Variants in ABCB9 observed in about 807,000 individuals in gnomAD.
ABCB9 encodes ABC-type oligopeptide transporter ABCB9.
A neutral mutation model predicts 62.0 loss-of-function variants in ABCB9; 36 were observed. That is an observed-to-expected ratio of 0.58 (90% CI 0.45 to 0.77). The LOEUF (loss-of-function observed/expected upper bound fraction) is 0.77, where lower values mean the gene tolerates loss of function less well. Ranked by LOEUF, ABCB9 falls within the 30% of genes least tolerant of loss-of-function variation. The pLI is 0.00. For synonymous variants in ABCB9, 435 were observed against 461.4 expected (o/e 0.94, Z 0.73); for missense variants, 943 against 1,054.7 (o/e 0.89, Z 1.47).
chr12:122,928,885 C>T, downstream of ABCB9: 1 of 559,228 alleles, frequency 1.8e-6, no homozygotes, highest in Non-Finnish European at 2.3e-6. Flanking sequence ...CCTGGACCAC[C>T]CAAAGTCTCT....
chr12:122,936,650 A>T (rs2035471989), intron 9 of ABCB9, among the ~76,000 whole-genome samples: 1 of 152,072 alleles, frequency 6.6e-6, no homozygotes, highest in Admixed American at 6.6e-5. Context: ...CATGCCTGTA[A>T]TCCTAGCACT....
At chr12:122,949,284 A>C (rs2036224103) in intron 4 of ABCB9, 2 of 173,460 alleles carry the variant, frequency 1.2e-5, no homozygotes, top group Non-Finnish European at 2.5e-5. Flanking sequence ...TGGGGTGGCT[A>C]CTATCCGTGT....
intron 7 of ABCB9, among the ~76,000 whole-genome samples, chr12:122,942,596 G>A (rs368860699): frequency 6.8e-6 from 1 of 146,694 alleles, no homozygotes; most frequent in East Asian, 2.0e-4. Flanking sequence ...TCCAGCCTGG[G>A]CGACAGAGCA....
intron 9 of ABCB9, among the ~76,000 whole-genome samples, chr12:122,936,762 G>A (rs1277919156): frequency 6.6e-6 from 1 of 151,842 alleles, no homozygotes; most frequent in African/African-American, 2.4e-5. Flanking sequence ...AAATTAGCTG[G>A]GTGTGGTGGT....
chr12:122,974,260 G>A (rs765540685), intron 1 of ABCB9, among the ~76,000 whole-genome samples: 2 of 152,068 alleles, frequency 1.3e-5, no homozygotes, highest in East Asian at 1.9e-4. Flanking sequence ...TAGATAGCAG[G>A]GCCTCTCACT....
chr12:122,972,409 G>A (rs1566205971), intron 1 of ABCB9, among the ~76,000 whole-genome samples: 1 of 152,212 alleles, frequency 6.6e-6, no homozygotes, highest in Non-Finnish European at 1.5e-5. Context: ...GGAATAGAAA[G>A]CAGTCGAGAA....
intron 2 of ABCB9, among the ~76,000 whole-genome samples, chr12:122,954,101 C>T (rs546469441): frequency 6.6e-6 from 1 of 150,556 alleles, no homozygotes; most frequent in South Asian, 2.1e-4. Context: ...CTGGAGAGGT[C>T]AAGGCTGAAG....
intron 5 of ABCB9, 156 bp downstream of exon 5, chr12:122,948,468 T>C (rs1404283337): frequency 1.4e-6 from 1 of 712,938 alleles, no homozygotes; most frequent in Non-Finnish European, 2.1e-6. Context: ...GGTCAATAAT[T>C]ATTTATTGAA....
downstream of ABCB9, among the ~76,000 whole-genome samples, chr12:122,928,383 C>T (rs1240214637): frequency 3.3e-5 from 5 of 151,328 alleles, no homozygotes; most frequent in Admixed American, 2.6e-4. Flanking sequence ...GCAGGAGAAT[C>T]GCTTGAACTC....
chr12:122,948,314 T>C (rs952452086), intron 5 of ABCB9: 27 of 223,450 alleles, frequency 1.2e-4, no homozygotes, highest in Admixed American at 1.7e-4. Flanking sequence ...TCCTTAGCAC[T>C]GACCATCTTT....
In ABCB9 at chr12:122,946,177, T is replaced by C. The variant is rs1269036111; in HGVS notation, c.1099A>G (p.Thr367Ala). 1 of 1,614,106 alleles carries C rather than the reference T, an allele frequency of 6.2e-7. No individual in the cohort carries two copies. The change falls in exon 6 of 12, where the codon ACG (threonine) becomes GCG (alanine). Residue 367 changes from threonine to alanine, a missense_variant. Thr to Ala is a moderately conservative substitution (Grantham distance 58). Transcript: ENST00000280560. ...VQNALARASN[T>A]AEETISAMKT... ...ATGGCACTGATGGTCTCCTCCGCCG[T>C]GTTGCTCGCTCTGGCCAGGGCATTC...
chr12:122,944,464 A>G lies in ABCB9; in HGVS notation c.1307T>C (p.Ile436Thr), dbSNP rs1479123008. The G allele has an allele frequency of 6.2e-7, 1 of 1,614,046 alleles. No homozygotes were observed. The highest frequency in any genetic ancestry group is 1.7e-5 in the Admixed American group (1 of 60,014). ...SILYYGGHLVISGQMTSGNLI... is the reference protein window; with the variant it reads ...SILYYGGHLVTSGQMTSGNLI... ...GTTGCCGCTGGTCATCTGGCCTGAG[A>G]TGACAAGGTGGCCCCCGTAGTAGAG... Residue 436 changes from isoleucine (I) to threonine (T), a missense_variant, in exon 7 of 12, where the codon ATC (isoleucine) becomes ACC (threonine). By Grantham distance (89) the Ile-to-Thr change is moderately conservative. Transcript: ENST00000280560. This position sits in a 1 kb window ranked among gnomAD's most constrained non-coding sequence, Gnocchi z 4.9.
Position 122,960,114 on chromosome 12 carries a change from A to C in ABCB9, c.122T>G (p.Phe41Cys), listed in dbSNP as rs200388627. Residue 41 changes from phenylalanine (F) to cysteine (C), a missense_variant, in exon 2 of 12, where the codon TTC becomes TGC. Physicochemically the swap from Phe to Cys is radical, Grantham distance 205. Transcript: ENST00000280560. ...ATCCAGCACCGAGTCAAAGATGTTG[A>C]AGTGGCGGATGTCCTCCAGGAGGCT... is the stretch of plus-strand genomic sequence containing the variant. ...DRSLLEDIRH[F>C]NIFDSVLDLW... The C allele has an allele frequency of 5.0e-6, 8 of 1,613,690 alleles. No individual in the cohort carries two copies. In the East Asian group the frequency reaches 1.8e-4, roughly 36 times the overall value.
Position 122,949,860 on chromosome 12 carries a change from T to C in ABCB9, c.775A>G (p.Ile259Val), listed in dbSNP as rs1444434742. 4 of 1,614,188 alleles carry C rather than the reference T, an allele frequency of 2.5e-6. No homozygotes were observed. Among genetic ancestry groups the C allele is most frequent in the Non-Finnish European group, 3.4e-6 (4 of 1,180,020 alleles). Residue 259 changes from isoleucine (I) to valine (V), a missense_variant, in exon 4 of 12, where the codon ATT (isoleucine) becomes GTT (valine). Physicochemically the swap from Ile to Val is conservative, Grantham distance 29 (BLOSUM62 3). Transcript: ENST00000280560. ...IFTLIFARLN[I>V]RLRNCLFRSL... ...CGGAAGAGACAGTTTCGAAGGCGAA[T>C]GTTCAGTCTGGCAAATATGAGGGTA...
rs538496350 is a variant in ABCB9 at position 122,922,361 on chromosome 12, T to A, written c.2041-1318A>T. 4.0e-4 allele frequency among the ~76,000 whole-genome samples: 61 copies of A among 152,310 alleles called. No individual in the cohort carries two copies. In the South Asian group the frequency reaches 5.4e-3, roughly 13 times the overall value. On this transcript the variant is annotated intron_variant, in intron 11 of 11. Coordinates refer to the ABCB9 transcript ENST00000344275. The stretch of plus-strand genomic sequence containing the variant: ...TTGCTTTGAGTCTTTTTAATTTTTT[T>A]ATTTTTATTTTTTAGAAATATGGAC...
At chr12:122,943,780 CTT>C (rs1256567704) in intron 7 of ABCB9, among the ~76,000 whole-genome samples, 5 of 150,666 alleles carry the variant, frequency 3.3e-5, no homozygotes, top group African/African-American at 1.2e-4. Context: ...GCACCTGGCC[CTT>C]TCTTTCTTTT....
At position 122,940,355 on chromosome 12, in the gene ABCB9, A is replaced by G; in HGVS notation, c.1570-71T>C. ...CCAGGACTGGATGCCCTGACCTTGG[A>G]CACAGGTGGGTGCCCTTCCCAGCCC... On this transcript the variant is annotated intron_variant, in intron 8 of 11. Coordinates refer to ENST00000280560, the MANE Select transcript of ABCB9 (RefSeq NM_019625.4). This position sits in a 1 kb window ranked among gnomAD's most constrained non-coding sequence, Gnocchi z 4.8. 1 of 1,500,906 alleles carries G rather than the reference A, an allele frequency of 6.7e-7. No homozygotes were observed. The highest frequency in any genetic ancestry group is 8.9e-7 in the Non-Finnish European group (1 of 1,122,772). 93.0% of individuals were successfully genotyped at this position (1,500,906 alleles called of 1,614,324 possible).
rs1015619590 is a variant in ABCB9, at chr12:122,964,385, G to T, written c.-88+1902C>A. Among the ~76,000 whole-genome samples, 1 of 152,172 alleles carries T rather than the reference G, an allele frequency of 6.6e-6. No individual in the cohort carries two copies. Among genetic ancestry groups the T allele is most frequent in the Admixed American group, 6.5e-5 (1 of 15,276 alleles). On this transcript the variant is annotated intron_variant, in intron 1 of 11. Coordinates refer to ENST00000280560, the MANE Select transcript of ABCB9 (RefSeq NM_019625.4). The surrounding 1 kb of genome is among the most constrained non-coding windows in gnomAD (Gnocchi z 4.7). Reference sequence around the variant, plus strand: ...TCGCAGACTACCAAAGCCACATTTTGCAGATGGGGAAACTGAGGCCCACAG... The same window carrying T: ...TCGCAGACTACCAAAGCCACATTTTTCAGATGGGGAAACTGAGGCCCACAG...
chr12:122,921,106 C>T, intron 11 of ABCB9: 1 of 1,503,262 alleles, frequency 6.7e-7, no homozygotes, highest in Non-Finnish European at 8.9e-7. Context: ...TGCTTAATGC[C>T]TCTGGATCAT....
Sources: gnomAD v4.1 joint callset for allele counts (sites outside exome capture counted in the v4.1 genomes callset) on GRCh38, gnomAD v4.1.1 for gene constraint, Gnocchi (gnomAD v3.1) non-coding constraint, MANE v1.5 for transcripts, NCBI Gene and HGNC (gene_info 2026-07-23, HGNC 2026-07-21) for gene names.